Variants in ZNF385D observed in about 807,000 individuals in gnomAD.
ZNF385D encodes zinc finger protein 659.
ZNF385D carries 15 observed loss-of-function variants against 35.8 expected under a neutral mutation model. The observed-to-expected ratio is 0.42, with a 90% CI of 0.28 to 0.64. The LOEUF (loss-of-function observed/expected upper bound fraction) is 0.64. Among genes scored for constraint, ZNF385D ranks in the 30% least tolerant of loss-of-function variants. The probability of loss-of-function intolerance (pLI) is 0.23; values close to 1 mark genes in which losing one functional copy is unlikely to be tolerated. For missense variants in ZNF385D, 474 were observed against 494.6 expected (o/e 0.96, Z 0.39); for synonymous variants, 212 against 186.8 (o/e 1.13, Z -1.10).
At chr3:22,019,264 T>C (rs1697083185) in intron 3 of ZNF385D, among the ~76,000 whole-genome samples, 2 of 151,738 alleles carry the variant, frequency 1.3e-5, no homozygotes, top group African/African-American at 4.8e-5. Context: ...TGTGAGAATT[T>C]CTTTAAGCTC....
Position 21,842,630 on chromosome 3 carries a change from C to G in ZNF385D, c.326-177602G>C, listed in dbSNP as rs527578150. Among the ~76,000 whole-genome samples the G allele has an allele frequency of 1.2e-4, 18 of 152,046 alleles. No individual in the cohort carries two copies. In the South Asian group the frequency reaches 3.5e-3, roughly 30 times the overall value. On this transcript the variant is annotated intron_variant, in intron 3 of 5. Coordinates refer to the ZNF385D transcript ENST00000494108. ...TGGTCTGAGGATGTGAATTTATATC[C>G]AAATTTCTGTTTTCCAGTTGTAAAA...
At chr3:21,502,421 C>T (rs1706447300) in intron 4 of ZNF385D, among the ~76,000 whole-genome samples, 1 of 152,162 alleles carries the variant, frequency 6.6e-6, no homozygotes, top group Non-Finnish European at 1.5e-5. Flanking sequence ...CTGCAGGATA[C>T]ATACATGTGC....
chr3:22,010,827 T>C (rs1696525842), intron 3 of ZNF385D, among the ~76,000 whole-genome samples: 1 of 152,198 alleles, frequency 6.6e-6, no homozygotes, highest in Admixed American at 6.5e-5. Flanking sequence ...TTGTTTATAT[T>C]TTGAACAGGG....
At chr3:22,224,086 T>C (rs993923671) in intron 2 of ZNF385D, among the ~76,000 whole-genome samples, 3 of 152,158 alleles carry the variant, frequency 2.0e-5, no homozygotes, top group African/African-American at 7.2e-5. Context: ...TGCCTAAATA[T>C]TTTGAGGCAG....
intron 3 of ZNF385D, among the ~76,000 whole-genome samples, chr3:22,160,352 C>G (rs1705866798): frequency 6.6e-6 from 1 of 152,026 alleles, no homozygotes. Context: ...TGTCTACTGA[C>G]AGTCAACAAA....
chr3:22,115,614 G>A (rs569945641), intron 3 of ZNF385D, among the ~76,000 whole-genome samples: 2 of 152,148 alleles, frequency 1.3e-5, no homozygotes, highest in East Asian at 1.9e-4. Context: ...ATCAGAGAAA[G>A]TTAAAGACAT....
At chr3:21,452,450 A>C (rs1702514778) in intron 4 of ZNF385D, among the ~76,000 whole-genome samples, 1 of 152,002 alleles carries the variant, frequency 6.6e-6, no homozygotes, top group Non-Finnish European at 1.5e-5. Flanking sequence ...GAAAACATAA[A>C]AGGTATCCAG....
chr3:21,429,950 ATG>A (rs1701216944), intron 5 of ZNF385D, among the ~76,000 whole-genome samples: 1 of 151,884 alleles, frequency 6.6e-6, no homozygotes, highest in African/African-American at 2.4e-5. Flanking sequence ...GTGTTTATTT[ATG>A]ATATTTGGTA....
rs571439397 is a variant in ZNF385D, at chr3:21,521,698, G to A, written c.277-10675C>T. On this transcript the variant is annotated intron_variant, in intron 3 of 7. Transcript: ENST00000281523. Reference sequence around the variant, plus strand: ...AGGTCCAGGAATTTGAGGCTGCAGTGAGCCAGTGTACTCCAGCCTAGTCAA... The same window carrying A: ...AGGTCCAGGAATTTGAGGCTGCAGTAAGCCAGTGTACTCCAGCCTAGTCAA... Among the ~76,000 whole-genome samples the A allele has an allele frequency of 1.1e-4, 16 of 152,224 alleles. No individual in the cohort carries two copies. In the East Asian group the frequency reaches 3.1e-3, roughly 29 times the overall value.
chr3:21,895,250 C>T (rs138161226), intron 3 of ZNF385D, among the ~76,000 whole-genome samples: 1,733 of 146,296 alleles, frequency 0.012, 81 homozygotes, highest in Admixed American at 0.091. Flanking sequence ...CAGAACATGG[C>T]GGACATGAGA....
rs1019177117 is a variant in ZNF385D at position 21,420,672 on chromosome 3, C to T, written c.*542G>A. The T allele has an allele frequency of 6.5e-6, 1 of 152,798 alleles. No homozygotes were observed. The highest frequency in any genetic ancestry group is 2.4e-5 in the African/African-American group (1 of 41,436). The allele number at this position is 152,798 out of a possible 1,614,324, so 9.5% of individuals were successfully genotyped here. A position where few individuals can be genotyped will look rare whatever the true frequency, so the allele number is the denominator to read the frequency against. On this transcript the variant is annotated 3_prime_UTR_variant, in exon 8 of 8. Coordinates refer to ENST00000281523, the MANE Select transcript of ZNF385D (RefSeq NM_024697.3). ...ATTGAGACACAGCACTATTGTTTTA[C>T]AAGACATCTACTGTATCTACTTTTG...
intron 5 of ZNF385D, among the ~76,000 whole-genome samples, chr3:21,428,092 G>A (rs79533359): frequency 0.12 from 18,512 of 152,100 alleles, 1,459 homozygotes; most frequent in Non-Finnish European, 0.16. Context: ...TAAAGCTTGA[G>A]TAGGCAGTAA....
chr3:21,714,817 T>TA (rs1479661240), intron 1 of ZNF385D, among the ~76,000 whole-genome samples: 1 of 152,160 alleles, frequency 6.6e-6, no homozygotes, highest in East Asian at 1.9e-4. Flanking sequence ...TCTCTCTTTT[T>TA]AAAAAAATAA....
At chr3:22,115,684 G>C (rs1702770947) in intron 3 of ZNF385D, among the ~76,000 whole-genome samples, 1 of 151,980 alleles carries the variant, frequency 6.6e-6, no homozygotes, top group South Asian at 2.1e-4. Flanking sequence ...TTAGTAGCTT[G>C]GTTAGCTTTT....
At chr3:22,238,226 A>G (rs1053797347) in intron 2 of ZNF385D, among the ~76,000 whole-genome samples, 5 of 151,142 alleles carry the variant, frequency 3.3e-5, no homozygotes, top group African/African-American at 1.2e-4. Context: ...AAGTTTTGCA[A>G]TTGGAAAGTG....
At chr3:21,593,637 T>G (rs2064046005) in intron 2 of ZNF385D, among the ~76,000 whole-genome samples, 1 of 152,112 alleles carries the variant, frequency 6.6e-6, no homozygotes, top group Non-Finnish European at 1.5e-5. Flanking sequence ...CATGCCAATA[T>G]GTACACACAA....
At chr3:22,003,008 C>G (rs1036197193) in intron 3 of ZNF385D, among the ~76,000 whole-genome samples, 2 of 152,210 alleles carry the variant, frequency 1.3e-5, no homozygotes, top group Non-Finnish European at 2.9e-5. Context: ...TCTCTAAGAA[C>G]TAGAATAAGA....
intron 3 of ZNF385D, among the ~76,000 whole-genome samples, chr3:22,085,734 T>C (rs1228333883): frequency 6.6e-6 from 1 of 152,116 alleles, no homozygotes; most frequent in African/African-American, 2.4e-5. Flanking sequence ...TACCAAAACA[T>C]GGCAGAGACA....
In ZNF385D at chr3:22,009,637, A is replaced by C. The variant is rs938288343; in HGVS notation, c.325+159180T>G. Among the ~76,000 whole-genome samples the C allele has an allele frequency of 3.3e-3, 505 of 150,940 alleles. 5 individuals are homozygous for C. Among genetic ancestry groups the C allele is most frequent in the African/African-American group, 0.011 (467 of 41,176 alleles). ...GACTCTGTCTCAAAAAAAAAAATAA[A>C]AAAAAAAAAGATTCAATGAGAAATC... On this transcript the variant is annotated intron_variant, in intron 3 of 5. Transcript: ENST00000494108.
Sources: allele counts gnomAD v4.1 joint callset (sites outside exome capture counted in the v4.1 genomes callset), GRCh38; gene constraint gnomAD v4.1.1; transcripts MANE v1.5; gene names NCBI Gene and HGNC (gene_info 2026-07-23, HGNC 2026-07-21).